Variants in GSAP observed in about 807,000 individuals in gnomAD.
The protein encoded by GSAP is gamma-secretase activating protein, also known as gamma-secretase-activating protein.
In GSAP, 118 loss-of-function variants were observed where a neutral mutation model predicts 131.7. The ratio of observed to expected loss-of-function variants is 0.90; its 90% confidence interval spans 0.77 to 1.04. GSAP has a LOEUF of 1.04. GSAP is among the 50% of genes least tolerant of loss of function. The pLI, the probability that GSAP is intolerant of heterozygous loss-of-function variation, is 0.00. For synonymous variants in GSAP, 381 were observed against 363.4 expected, an observed-to-expected ratio of 1.05 and a Z score of -0.55; for missense variants, 1,019 against 1,013.2, an observed-to-expected ratio of 1.01 and a Z score of -0.08.
intron 3 of GSAP, among the ~76,000 whole-genome samples, chr7:77,401,387 T>C (rs968122594): frequency 2.6e-5 from 4 of 151,162 alleles, no homozygotes; most frequent in Middle Eastern, 3.4e-3. Context: ...GGGAGAAAAA[T>C]TCAAAAGACA....
intron 1 of GSAP, among the ~76,000 whole-genome samples, chr7:77,415,084 C>G (rs1260548543): frequency 2.0e-5 from 3 of 152,124 alleles, no homozygotes; most frequent in Non-Finnish European, 4.4e-5. Flanking sequence ...TAAAGCCTTA[C>G]TAAGCATGAC....
At chr7:77,345,808 C>T (rs1196310180) in intron 19 of GSAP, among the ~76,000 whole-genome samples, 1 of 152,142 alleles carries the variant, frequency 6.6e-6, no homozygotes, top group African/African-American at 2.4e-5. Context: ...CCCGCCTGCA[C>T]CCAGGTGATT....
chr7:77,363,560 T>C (rs1168271321), intron 12 of GSAP, among the ~76,000 whole-genome samples: 1 of 152,226 alleles, frequency 6.6e-6, no homozygotes, highest in Non-Finnish European at 1.5e-5. Context: ...ATGTTTCCTC[T>C]ACTTTCCTTC....
At chr7:77,385,717 C>T (rs972779933) in intron 6 of GSAP, among the ~76,000 whole-genome samples, 1 of 152,072 alleles carries the variant, frequency 6.6e-6, no homozygotes, top group Non-Finnish European at 1.5e-5. Flanking sequence ...TCAGGAGTGG[C>T]GGGGAAATGC....
chr7:77,381,388 C>T (rs1797784248), intron 7 of GSAP, 34 bp from the exon 8 acceptor site: 1 of 1,205,774 alleles, frequency 8.3e-7, no homozygotes, highest in African/African-American at 1.6e-5. Flanking sequence ...ATAATTTAAC[C>T]TTAAGGAAAT....
At chr7:77,364,680 T>G (rs1795020196) in intron 12 of GSAP, among the ~76,000 whole-genome samples, 1 of 152,016 alleles carries the variant, frequency 6.6e-6, no homozygotes, top group Non-Finnish European at 1.5e-5. Context: ...AATAATAAAA[T>G]AAAATGAGAT....
Position 77,355,287 on chromosome 7 carries a change from A to T in GSAP, c.1264T>A (p.Leu422Ile), listed in dbSNP as rs1183908192. ...AACGCAGCCATCTTCTCACAGTCTA[A>T]GCAAGTGTTCTGCAGAAGCTGTAAT... ...SLLQLLQNTC[L>I]DCEKMAALHC... is the part of the protein sequence containing the mutation. The change falls in exon 16 of 31, where the codon TTA (leucine) becomes ATA (isoleucine). Residue 422 changes from leucine (L) to isoleucine (I), a missense_variant. Physicochemically the swap from Leu to Ile is conservative, Grantham distance 5 (BLOSUM62 2). Coordinates refer to ENST00000257626, the MANE Select transcript of GSAP (RefSeq NM_017439.4). 1.9e-6 allele frequency: 3 copies of T among 1,613,976 alleles called. No homozygotes were observed. Among genetic ancestry groups the T allele is most frequent in the Non-Finnish European group, 2.5e-6 (3 of 1,179,978 alleles).
At chr7:77,319,708 A>T (rs1787369974) in intron 26 of GSAP, among the ~76,000 whole-genome samples, 1 of 152,084 alleles carries the variant, frequency 6.6e-6, no homozygotes, top group Non-Finnish European at 1.5e-5. Flanking sequence ...CTCAGCCTTA[A>T]AAAATGAAAT....
intron 10 of GSAP, among the ~76,000 whole-genome samples, chr7:77,375,870 AC>A (rs1796776365): frequency 6.6e-6 from 1 of 151,566 alleles, no homozygotes; most frequent in African/African-American, 2.4e-5. Context: ...AAACAAAAAA[AC>A]AACCACCATA....
chr7:77,413,404 T>A (rs550646586), intron 1 of GSAP, among the ~76,000 whole-genome samples: 2 of 152,224 alleles, frequency 1.3e-5, no homozygotes, highest in Non-Finnish European at 2.9e-5. Context: ...GGCTGACAGC[T>A]GAAGACTGCC....
Position 77,387,309 on chromosome 7 carries a change from C to T in GSAP, c.456+51G>A, listed in dbSNP as rs756415124. The T allele has an allele frequency of 8.8e-6, 8 of 910,932 alleles. No homozygotes were observed. In the East Asian group the frequency reaches 1.9e-4, roughly 22 times the overall value. The allele number at this position is 910,932 out of a possible 1,614,324, so 56.4% of individuals were successfully genotyped here. On this transcript the variant is annotated intron_variant, in intron 6 of 30. Coordinates refer to ENST00000257626, the MANE Select transcript of GSAP (RefSeq NM_017439.4). ...CTTTGTAAACCCCAATTCTTCTAGGCTGCATGCCTTTTGATTAATGAGATA... is the reference window on the plus strand; with the variant it reads ...CTTTGTAAACCCCAATTCTTCTAGGTTGCATGCCTTTTGATTAATGAGATA...
At chr7:77,399,954 G>C (rs1313037379) in intron 3 of GSAP, among the ~76,000 whole-genome samples, 2 of 152,098 alleles carry the variant, frequency 1.3e-5, no homozygotes, top group Admixed American at 6.6e-5. Flanking sequence ...ATACTGATGG[G>C]AGCGGACAAA....
chr7:77,350,705 T>G (rs1323503464), intron 18 of GSAP, among the ~76,000 whole-genome samples: 1 of 152,046 alleles, frequency 6.6e-6, no homozygotes, highest in Non-Finnish European at 1.5e-5. Context: ...ACTGCACCAT[T>G]GCACTCCAGA....
chr7:77,401,028 A>C (rs1801229028), intron 3 of GSAP, among the ~76,000 whole-genome samples: 1 of 151,998 alleles, frequency 6.6e-6, no homozygotes, highest in Non-Finnish European at 1.5e-5. Flanking sequence ...AAAACAATAG[A>C]AGTTACCTAA....
At chr7:77,341,534 C>T (rs1790898147) in intron 19 of GSAP, among the ~76,000 whole-genome samples, 1 of 152,210 alleles carries the variant, frequency 6.6e-6, no homozygotes, top group Non-Finnish European at 1.5e-5. Flanking sequence ...AAGGTTAATG[C>T]TCCTTTTTCT....
intron 7 of GSAP, 142 bp from the exon 8 acceptor site, chr7:77,381,496 T>C: frequency 2.1e-6 from 1 of 486,588 alleles, no homozygotes; most frequent in South Asian, 3.7e-5. Context: ...TCACAAACTG[T>C]AATCTCACAA....
chr7:77,396,874 C>G, intron 5 of GSAP, 108 bp downstream of exon 5: 2 of 596,798 alleles, frequency 3.4e-6, no homozygotes, highest in Non-Finnish European at 2.8e-6. Flanking sequence ...TTCTGAGATA[C>G]GATAAGGCTA....
chr7:77,382,914 A>T (rs1798006986), intron 6 of GSAP, among the ~76,000 whole-genome samples: 2 of 152,184 alleles, frequency 1.3e-5, no homozygotes, highest in Non-Finnish European at 1.5e-5. Flanking sequence ...GGCTGGGCAC[A>T]GTGGCTCACA....
chr7:77,403,806 C>T (rs1049537978), intron 3 of GSAP, among the ~76,000 whole-genome samples: 4 of 152,138 alleles, frequency 2.6e-5, no homozygotes, highest in African/African-American at 9.7e-5. Context: ...ACTTTGTGGT[C>T]CAATAGTCCT....
Sources: allele counts gnomAD v4.1 joint callset (sites outside exome capture counted in the v4.1 genomes callset), GRCh38; gene constraint gnomAD v4.1.1; transcripts MANE v1.5; gene names NCBI Gene and HGNC (gene_info 2026-07-23, HGNC 2026-07-21).